ANKS1B: variants seen among roughly 807,000 people sequenced by gnomAD.
ANKS1B encodes ankyrin repeat and sterile alpha motif domain-containing protein 1B.
ANKS1B carries 36 observed loss-of-function variants against 148.3 expected under a neutral mutation model. That is an observed-to-expected ratio of 0.24 (90% CI 0.19 to 0.32). The LOEUF (loss-of-function observed/expected upper bound fraction) is 0.32, where lower values mean the gene tolerates loss of function less well. Ranked by LOEUF, ANKS1B falls within the 10% of genes least tolerant of loss-of-function variation. The pLI, the probability that ANKS1B is intolerant of heterozygous loss-of-function variation, is 1.00. For synonymous variants in ANKS1B, 542 were observed against 560.8 expected (o/e 0.97, Z 0.47); for missense variants, 1,157 against 1,542.6 (o/e 0.75, Z 4.19).
chr12:99,755,365 C>T (rs1290666222), intron 8 of ANKS1B, among the ~76,000 whole-genome samples: 1 of 151,836 alleles, frequency 6.6e-6, no homozygotes, highest in Non-Finnish European at 1.5e-5. Context: ...AGCCTACCAA[C>T]CAGAAAAAGC....
chr12:99,619,987 C>A (rs1327154844), intron 9 of ANKS1B, among the ~76,000 whole-genome samples: 2 of 152,186 alleles, frequency 1.3e-5, no homozygotes, highest in African/African-American at 2.4e-5. Flanking sequence ...CAAAAGAGAG[C>A]TTCTCCCAGT....
chr12:98,759,301 G>A (rs2098342083), intron 25 of ANKS1B, among the ~76,000 whole-genome samples: 1 of 152,152 alleles, frequency 6.6e-6, no homozygotes, highest in Non-Finnish European at 1.5e-5. Context: ...CAAGTGTTAA[G>A]GGCTGTGTCC....
chr12:99,716,720 T>C (rs1409226455), intron 8 of ANKS1B, among the ~76,000 whole-genome samples: 1 of 152,030 alleles, frequency 6.6e-6, no homozygotes, highest in Non-Finnish European at 1.5e-5. Context: ...TAGTCTCTGT[T>C]CCCAATGCAA....
intron 22 of ANKS1B, among the ~76,000 whole-genome samples, chr12:98,790,190 G>A (rs759274896): frequency 1.2e-4 from 18 of 152,096 alleles, no homozygotes; most frequent in Non-Finnish European, 2.5e-4. Context: ...GTGTTTTTTG[G>A]GGGTGTGTGT....
intron 9 of ANKS1B, among the ~76,000 whole-genome samples, chr12:99,633,520 A>T (rs2098196206): frequency 6.6e-6 from 1 of 152,216 alleles, no homozygotes; most frequent in Non-Finnish European, 1.5e-5. Flanking sequence ...TTAGACCTAA[A>T]ACCATAAAAA....
chr12:99,506,686 A>G (rs1374167276), intron 9 of ANKS1B, among the ~76,000 whole-genome samples: 2 of 152,034 alleles, frequency 1.3e-5, no homozygotes, highest in African/African-American at 4.8e-5. Context: ...AAGGCCCATA[A>G]AGACAAGACA....
intron 14 of ANKS1B, among the ~76,000 whole-genome samples, chr12:99,241,379 C>T (rs968595692): frequency 3.9e-5 from 6 of 152,094 alleles, no homozygotes; most frequent in Non-Finnish European, 2.9e-5. Flanking sequence ...AGACCAATAA[C>T]AGGTTCTGAA....
chr12:98,950,429 G>A (rs573615830), intron 17 of ANKS1B, among the ~76,000 whole-genome samples: 1 of 152,234 alleles, frequency 6.6e-6, no homozygotes, highest in Non-Finnish European at 1.5e-5. Flanking sequence ...CCTGGGAGGC[G>A]GATGTTGCAG....
chr12:99,420,096 G>A (rs1007276340), intron 11 of ANKS1B, among the ~76,000 whole-genome samples: 2 of 152,048 alleles, frequency 1.3e-5, no homozygotes, highest in Admixed American at 1.3e-4. Flanking sequence ...GGGCAGACAG[G>A]GAAACTGAGT....
chr12:98,907,641 T>C (rs1390501707), intron 17 of ANKS1B, among the ~76,000 whole-genome samples: 1 of 152,198 alleles, frequency 6.6e-6, no homozygotes, highest in Non-Finnish European at 1.5e-5. Flanking sequence ...CAGCCATCCT[T>C]GTCCCTAATT....
chr12:99,799,080 G>A (rs1247006146), intron 4 of ANKS1B, among the ~76,000 whole-genome samples: 1 of 152,052 alleles, frequency 6.6e-6, no homozygotes, highest in Admixed American at 6.6e-5. Context: ...TTTATGAAAA[G>A]TCATCTTCCC....
chr12:98,958,454 G>C (rs1257319455), intron 17 of ANKS1B, among the ~76,000 whole-genome samples: 1 of 152,100 alleles, frequency 6.6e-6, no homozygotes, highest in African/African-American at 2.4e-5. Context: ...GCATTTTAAG[G>C]ACTACTTCCA....
chr12:98,954,813 T>C (rs2099859685), intron 17 of ANKS1B, among the ~76,000 whole-genome samples: 1 of 152,158 alleles, frequency 6.6e-6, no homozygotes, highest in Non-Finnish European at 1.5e-5. Context: ...TTCATGGAAA[T>C]GTGTCTTATT....
At chr12:99,666,638 T>C (rs1178400460) in intron 8 of ANKS1B, among the ~76,000 whole-genome samples, 2 of 152,168 alleles carry the variant, frequency 1.3e-5, no homozygotes, top group Non-Finnish European at 2.9e-5. Context: ...TTGTTAAATA[T>C]GAAGGGGTAA....
intron 22 of ANKS1B, among the ~76,000 whole-genome samples, chr12:98,785,732 C>T (rs774312296): frequency 6.6e-6 from 1 of 152,188 alleles, no homozygotes; most frequent in Non-Finnish European, 1.5e-5. Flanking sequence ...CATCAAGTTA[C>T]TGAGCACGTG....
At chr12:98,995,748 C>T (rs143714686) in intron 17 of ANKS1B, among the ~76,000 whole-genome samples, 8 of 152,270 alleles carry the variant, frequency 5.3e-5, no homozygotes, top group African/African-American at 1.7e-4. Flanking sequence ...CATATAGTTG[C>T]CCCACTTTAT....
At chr12:99,304,132 T>C (rs945538113) in intron 12 of ANKS1B, among the ~76,000 whole-genome samples, 1 of 152,154 alleles carries the variant, frequency 6.6e-6, no homozygotes, top group Non-Finnish European at 1.5e-5. Flanking sequence ...AGATACCCAG[T>C]AGTGGGATTG....
chr12:99,491,278 C>T (rs1490684691), intron 10 of ANKS1B, among the ~76,000 whole-genome samples: 1 of 151,320 alleles, frequency 6.6e-6, no homozygotes, highest in Non-Finnish European at 1.5e-5. Context: ...GCACTCCAGC[C>T]TGGGCGACAG....
chr12:99,003,955 G>A (rs1326909550), intron 17 of ANKS1B, among the ~76,000 whole-genome samples: 1 of 152,236 alleles, frequency 6.6e-6, no homozygotes, highest in Non-Finnish European at 1.5e-5. Context: ...CTTGGCCAAT[G>A]AGGGGTTAGC....
Sources: gnomAD v4.1 joint callset for allele counts (sites outside exome capture counted in the v4.1 genomes callset) on GRCh38, gnomAD v4.1.1 for gene constraint, MANE v1.5 for transcripts, NCBI Gene and HGNC (gene_info 2026-07-23, HGNC 2026-07-21) for gene names.